DSE: variants seen among roughly 807,000 people sequenced by gnomAD.
The protein encoded by DSE is dermatan sulfate epimerase.
Under a neutral mutation model 84.4 loss-of-function variants are expected in DSE, and 36 were observed. The ratio of observed to expected loss-of-function variants is 0.43; its 90% confidence interval spans 0.33 to 0.56. The LOEUF is 0.56. Among genes scored for constraint, DSE ranks in the 20% least tolerant of loss-of-function variants. The probability of loss-of-function intolerance (pLI) is 0.06; values close to 1 mark genes in which losing one functional copy is unlikely to be tolerated. For synonymous variants in DSE, 410 were observed against 430.1 expected (o/e 0.95, Z 0.58); for missense variants, 862 against 1,169.6 (o/e 0.74, Z 3.84).
intron 2 of DSE, among the ~76,000 whole-genome samples, chr6:116,291,039 ACT>A (rs1473598575): frequency 2.6e-5 from 4 of 152,114 alleles, no homozygotes; most frequent in Non-Finnish European, 5.9e-5. Context: ...TTCTTTCCAA[ACT>A]CTCTAAATTC....
intron 2 of DSE, among the ~76,000 whole-genome samples, chr6:116,301,388 GCAGGGAGGTTCC>G (rs1775031896): frequency 6.6e-6 from 1 of 152,182 alleles, no homozygotes; most frequent in South Asian, 2.1e-4. Flanking sequence ...CCTCCCTACA[GCAGGGAGGTTCC>G]GTCTGCTCAG....
chr6:116,351,926 T>G (rs1778333344), intron 2 of DSE, among the ~76,000 whole-genome samples: 1 of 152,198 alleles, frequency 6.6e-6, no homozygotes, highest in African/African-American at 2.4e-5. Flanking sequence ...TCTTTTACAT[T>G]TTATCATGCA....
intron 4 of DSE, chr6:116,432,676 C>A (rs1783917908): frequency 7.0e-6 from 1 of 142,986 alleles, no homozygotes; most frequent in Non-Finnish European, 1.5e-5. Flanking sequence ...GCTGAGTTTT[C>A]TATCTTGCTG....
chr6:116,383,380 GTT>G (rs905847146), intron 1 of DSE, among the ~76,000 whole-genome samples: 1 of 152,168 alleles, frequency 6.6e-6, no homozygotes, highest in Admixed American at 6.5e-5. Context: ...GGGTATGAAA[GTT>G]TGGGTGGAGA....
At position 116,438,711 on chromosome 6, in the gene DSE, ACACT is replaced by A. The variant is rs1252981017; in HGVS notation, c.*1371_*1374del. The A allele has an allele frequency of 6.6e-6, 1 of 152,202 alleles. No homozygotes were observed. The highest frequency in any genetic ancestry group is 1.5e-5 in the Non-Finnish European group (1 of 68,020). The allele number at this position is 152,202 out of a possible 1,614,324, so 9.4% of individuals were successfully genotyped here. A position where few individuals can be genotyped will look rare whatever the true frequency, so the allele number is the denominator to read the frequency against. ...TCAGCTCAAATTTTACAGTAAGGAC[ACACT>A]CACTGATTTATAGGTGTAAAGTAAC... is the stretch of plus-strand genomic sequence containing the variant. On this transcript the variant is annotated 3_prime_UTR_variant, in exon 6 of 6. Coordinates refer to ENST00000644252, the MANE Select transcript of DSE (RefSeq NM_013352.4).
At chr6:116,298,531 GA>G (rs1447519925) in intron 2 of DSE, among the ~76,000 whole-genome samples, 5 of 152,164 alleles carry the variant, frequency 3.3e-5, no homozygotes, top group African/African-American at 1.2e-4. Flanking sequence ...AAAGGTCAAG[GA>G]AATGGATTAC....
At chr6:116,287,783 A>G (rs1774017855) in intron 2 of DSE, among the ~76,000 whole-genome samples, 1 of 152,094 alleles carries the variant, frequency 6.6e-6, no homozygotes. Flanking sequence ...TCACATCTAC[A>G]AACTTCCAAG....
chr6:116,356,643 C>T (rs2114866240), intron 2 of DSE, among the ~76,000 whole-genome samples: 1 of 152,286 alleles, frequency 6.6e-6, no homozygotes, highest in Non-Finnish European at 1.5e-5. Flanking sequence ...AATTATCTCA[C>T]TTTGCGAATG....
At chr6:116,298,711 A>C (rs546278910) in intron 2 of DSE, among the ~76,000 whole-genome samples, 1 of 152,340 alleles carries the variant, frequency 6.6e-6, no homozygotes, top group East Asian at 1.9e-4. Context: ...AACTCAACAT[A>C]TAAAGCATTA....
intron 2 of DSE, chr6:116,279,943 G>A (rs1401613482): frequency 6.6e-7 from 1 of 1,507,654 alleles, no homozygotes; most frequent in African/African-American, 1.4e-5. Flanking sequence ...CATTTCAGCG[G>A]CGGTGTCGTC....
chr6:116,437,395 C>CA lies in DSE; in HGVS notation c.*61dup, dbSNP rs759486628. On this transcript the variant is annotated 3_prime_UTR_variant, in exon 6 of 6. Transcript: ENST00000644252. The stretch of plus-strand genomic sequence containing the variant: ...CATTTTGTGATCACAAGAGTCTATG[C>CA]AAAAAAAAAAATTTCTTTACCCCAG... 0.015 allele frequency: 16,654 copies of CA among 1,112,404 alleles called. No individual in the cohort carries two copies. The highest frequency in any genetic ancestry group is 0.02 in the South Asian group (871 of 44,660). The allele number at this position is 1,112,404 out of a possible 1,614,324, so 68.9% of individuals were successfully genotyped here. A position where few individuals can be genotyped will look rare whatever the true frequency, so the allele number is the denominator to read the frequency against.
intron 2 of DSE, among the ~76,000 whole-genome samples, chr6:116,351,067 T>C (rs995880339): frequency 2.0e-5 from 3 of 152,234 alleles, no homozygotes; most frequent in African/African-American, 7.2e-5. Flanking sequence ...CTATTATAGT[T>C]TGTTTTTACA....
chr6:116,433,135 G>A lies in DSE; in HGVS notation c.911-208G>A. On this transcript the variant is annotated intron_variant, in intron 4 of 5. Transcript: ENST00000644252. ...ACAGGTTACCACATAATAAATACAAGCTTGCACACAACATATGTGGAAGAC... is the reference window on the plus strand; with the variant it reads ...ACAGGTTACCACATAATAAATACAAACTTGCACACAACATATGTGGAAGAC... 5 of 576,766 alleles carry A rather than the reference G, an allele frequency of 8.7e-6. No homozygotes were observed. The South Asian group carries it at 1.0e-4, about 12-fold the overall frequency. 35.7% of individuals were successfully genotyped at this position (576,766 alleles called of 1,614,324 possible).
intron 1 of DSE, among the ~76,000 whole-genome samples, chr6:116,380,131 A>G (rs1314664873): frequency 6.6e-6 from 1 of 152,178 alleles, no homozygotes; most frequent in African/African-American, 2.4e-5. Flanking sequence ...GTTTTAATAT[A>G]TAACTTTTCC....
At chr6:116,331,173 A>G (rs752703186) in intron 2 of DSE, among the ~76,000 whole-genome samples, 15 of 152,218 alleles carry the variant, frequency 9.9e-5, no homozygotes, top group Admixed American at 1.3e-4. Flanking sequence ...AACACCATAG[A>G]AATACTGAAA....
chr6:116,310,064 C>A (rs1744141585), intron 2 of DSE, among the ~76,000 whole-genome samples: 1 of 152,186 alleles, frequency 6.6e-6, no homozygotes, highest in East Asian at 1.9e-4. Context: ...TTCTGCTAGG[C>A]ACCTCACATA....
chr6:116,365,551 C>G (rs905098990), upstream of DSE, among the ~76,000 whole-genome samples: 58 of 152,210 alleles, frequency 3.8e-4, no homozygotes, highest in African/African-American at 1.3e-3. Flanking sequence ...CCGCACGTGG[C>G]CGGAAGTTCT....
chr6:116,416,457 T>G (rs969598602), intron 2 of DSE, among the ~76,000 whole-genome samples: 1 of 151,832 alleles, frequency 6.6e-6, no homozygotes, highest in Non-Finnish European at 1.5e-5. Context: ...TGGGAAATAC[T>G]TGGTGTTCAG....
chr6:116,315,591 C>T (rs1775925231), intron 2 of DSE, among the ~76,000 whole-genome samples: 1 of 152,104 alleles, frequency 6.6e-6, no homozygotes, highest in South Asian at 2.1e-4. Context: ...TTGTTTATCT[C>T]CAGATCCCAT....
Sources: gnomAD v4.1 joint callset for allele counts (sites outside exome capture counted in the v4.1 genomes callset) on GRCh38, gnomAD v4.1.1 for gene constraint, MANE v1.5 for transcripts, NCBI Gene and HGNC (gene_info 2026-07-23, HGNC 2026-07-21) for gene names.